Variants in TRIM2 observed in about 807,000 individuals in gnomAD.
TRIM2 encodes the protein tripartite motif-containing protein 2.
A neutral mutation model predicts 75.2 loss-of-function variants in TRIM2; 20 were observed. That is an observed-to-expected ratio of 0.27 (90% confidence interval 0.19 to 0.39). The LOEUF (loss-of-function observed/expected upper bound fraction) is 0.39, where lower values mean the gene tolerates loss of function less well. Among genes scored for constraint, TRIM2 ranks in the 10% least tolerant of loss-of-function variants. TRIM2 has a pLI of 1.00. For missense variants in TRIM2, 660 were observed against 990.8 expected (o/e 0.67, Z 4.48); for synonymous variants, 373 against 388.3 (o/e 0.96, Z 0.46).
intron 1 of TRIM2, among the ~76,000 whole-genome samples, chr4:153,258,404 A>G (rs956039520): frequency 3.3e-5 from 5 of 149,810 alleles, no homozygotes; most frequent in African/African-American, 1.2e-4. Flanking sequence ...GAAAAAAAGA[A>G]AAAAAAAAAC....
intron 6 of TRIM2, among the ~76,000 whole-genome samples, chr4:153,301,621 A>G (rs1404175503): frequency 1.3e-5 from 2 of 152,166 alleles, no homozygotes; most frequent in African/African-American, 4.8e-5. Context: ...TTACAGTTCC[A>G]GGTGTTATGT....
At chr4:153,325,251 C>T (rs1054221585) in intron 10 of TRIM2, among the ~76,000 whole-genome samples, 2 of 152,168 alleles carry the variant, frequency 1.3e-5, no homozygotes, top group Non-Finnish European at 2.9e-5. Context: ...CCTGTGCAGA[C>T]AGTAGCGCAC....
intron 1 of TRIM2, among the ~76,000 whole-genome samples, chr4:153,239,418 GCTCTCTCT>G (rs145312123): frequency 6.1e-5 from 9 of 147,014 alleles, no homozygotes; most frequent in African/African-American, 1.2e-4. Flanking sequence ...TAAAGATAGT[GCTCTCTCT>G]CTCTCTCTCT....
intron 1 of TRIM2, among the ~76,000 whole-genome samples, chr4:153,231,069 T>C (rs925236691): frequency 4.6e-5 from 7 of 152,218 alleles, no homozygotes; most frequent in African/African-American, 1.7e-4. Flanking sequence ...GATGTCTTTC[T>C]CACTAAAATA....
At position 153,336,197 on chromosome 4, in the gene TRIM2, G is replaced by A. The variant is rs1772424409; in HGVS notation, c.*1231G>A. ...GAAATAGGCAGCACTCTGAAAGACAGAAGCTTCGTCCAGCCACTCTTCAGC... is the reference window on the plus strand; with the variant it reads ...GAAATAGGCAGCACTCTGAAAGACAAAAGCTTCGTCCAGCCACTCTTCAGC... On this transcript the variant is annotated 3_prime_UTR_variant, in exon 12 of 12. Transcript: ENST00000338700. 2 of 985,274 alleles carry A rather than the reference G, an allele frequency of 2.0e-6. No individual in the cohort carries two copies. The highest frequency in any genetic ancestry group is 9.4e-5 in the South Asian group (2 of 21,262). The allele number at this position is 985,274 out of a possible 1,614,324, so 61.0% of individuals were successfully genotyped here. A position where few individuals can be genotyped will look rare whatever the true frequency, so the allele number is the denominator to read the frequency against.
intron 6 of TRIM2, among the ~76,000 whole-genome samples, chr4:153,297,213 T>A (rs1442839643): frequency 2.0e-5 from 3 of 152,198 alleles, no homozygotes; most frequent in Non-Finnish European, 4.4e-5. Flanking sequence ...ATATGATATG[T>A]AACTTGTCTG....
Position 153,296,045 on chromosome 4 carries a change from A to T in TRIM2, c.1510+9A>T, listed in dbSNP as rs1279174333. ...TTTGATCTTTCGAGTGGGTAAGGAG[A>T]GGGCTTCTGTGCCCGACGCCTGAGC... On this transcript the variant is annotated intron_variant, in intron 6 of 11. Coordinates refer to ENST00000338700, the MANE Select transcript of TRIM2 (RefSeq NM_015271.5). The T allele has an allele frequency of 6.6e-7, 1 of 1,515,598 alleles. No homozygotes were observed. The highest frequency in any genetic ancestry group is 2.3e-5 in the East Asian group (1 of 44,016). The allele number at this position is 1,515,598 out of a possible 1,614,324, so 93.9% of individuals were successfully genotyped here. A position where few individuals can be genotyped will look rare whatever the true frequency, so the allele number is the denominator to read the frequency against.
intron 1 of TRIM2, among the ~76,000 whole-genome samples, chr4:153,225,921 A>G (rs1422604631): frequency 1.3e-5 from 2 of 152,198 alleles, no homozygotes; most frequent in African/African-American, 4.8e-5. Flanking sequence ...CCCAAACTTC[A>G]GTGCAGTGGC....
chr4:153,224,897 T>C (rs936759402), intron 1 of TRIM2, among the ~76,000 whole-genome samples: 1 of 152,256 alleles, frequency 6.6e-6, no homozygotes, highest in African/African-American at 2.4e-5. Flanking sequence ...TCTGACCTTT[T>C]CTTTAGTCTG....
At position 153,337,069 on chromosome 4, in the gene TRIM2, T is replaced by G. The variant is rs1772538826; in HGVS notation, c.*2103T>G. On this transcript the variant is annotated 3_prime_UTR_variant, in exon 12 of 12. Transcript: ENST00000338700. ...TAAAAAATCGCTGCCCCCTCAGAGC[T>G]GACATTCTGGGGTGGGAATTTCATT... The G allele has an allele frequency of 1.0e-6, 1 of 985,218 alleles. No individual in the cohort carries two copies. Among genetic ancestry groups the G allele is most frequent in the African/African-American group, 1.7e-5 (1 of 57,240 alleles). 61.0% of individuals were successfully genotyped at this position (985,218 alleles called of 1,614,324 possible).
rs747232462 is a variant in TRIM2 at position 153,322,662 on chromosome 4, A to T, written c.1797A>T (p.Ser599=). ...GTTTCAAACAGACAAAAATTGGATC[A>T]GGAAAGCTGATGGGACCCAAAGGAG... ...SDGKFKTKIG[S]GKLMGPKGVS... is the part of the protein sequence containing the mutation. The change falls in exon 9 of 12, where the codon TCA becomes TCT. Residue 599 remains serine, a synonymous_variant. Transcript: ENST00000338700. The T allele has an allele frequency of 3.7e-6, 6 of 1,613,644 alleles. No individual in the cohort carries two copies. Among genetic ancestry groups the T allele is most frequent in the Non-Finnish European group, 5.1e-6 (6 of 1,179,714 alleles).
intron 1 of TRIM2, among the ~76,000 whole-genome samples, chr4:153,194,394 A>C (rs534366339): frequency 2.0e-5 from 3 of 152,208 alleles, no homozygotes; most frequent in Non-Finnish European, 2.9e-5. Context: ...AAATGAAATC[A>C]TTTTCATTCC....
intron 6 of TRIM2, chr4:153,309,552 G>A (rs1212598054): frequency 6.6e-6 from 1 of 151,590 alleles, no homozygotes; most frequent in Non-Finnish European, 1.5e-5. Flanking sequence ...TGAAGATCCT[G>A]TGTTAGATCT....
Position 153,335,906 on chromosome 4 carries a change from G to A in TRIM2, c.*940G>A. ...TAGGACACCAGTATCCTAGGACAGA[G>A]AGCCATAAGTAGCCCTTTGGAGGAC... On this transcript the variant is annotated 3_prime_UTR_variant, in exon 12 of 12. Transcript: ENST00000338700. 1.0e-6 allele frequency: 1 copy of A among 985,836 alleles called. No individual in the cohort carries two copies. Among genetic ancestry groups the A allele is most frequent in the Non-Finnish European group, 1.2e-6 (1 of 829,936 alleles). The allele number at this position is 985,836 out of a possible 1,614,324, so 61.1% of individuals were successfully genotyped here. A position where few individuals can be genotyped will look rare whatever the true frequency, so the allele number is the denominator to read the frequency against.
chr4:153,199,920 G>A (rs56329253), upstream of TRIM2, among the ~76,000 whole-genome samples: 8,225 of 150,438 alleles, frequency 0.055, 388 homozygotes, highest in Admixed American at 0.13. Flanking sequence ...ACTACAGGCA[G>A]GCACCACCAT....
At chr4:153,268,500 A>G (rs1352903019) in intron 1 of TRIM2, among the ~76,000 whole-genome samples, 3 of 152,260 alleles carry the variant, frequency 2.0e-5, no homozygotes, top group African/African-American at 7.2e-5. Flanking sequence ...TTTCACTGCC[A>G]TAATTTTCTC....
intron 1 of TRIM2, among the ~76,000 whole-genome samples, chr4:153,242,192 T>C (rs1024837933): frequency 3.3e-5 from 5 of 152,264 alleles, no homozygotes; most frequent in African/African-American, 9.6e-5. Context: ...CAACTGCTAA[T>C]GATGTAACTC....
chr4:153,312,936 A>C (rs1415319909), intron 6 of TRIM2, among the ~76,000 whole-genome samples: 3 of 152,118 alleles, frequency 2.0e-5, no homozygotes, highest in Non-Finnish European at 2.9e-5. Context: ...TGGGGGAAAG[A>C]CCAAAAATAA....
At chr4:153,238,716 T>C (rs74584786) in intron 1 of TRIM2, among the ~76,000 whole-genome samples, 2,142 of 152,288 alleles carry the variant, frequency 0.014, 45 homozygotes, top group East Asian at 0.08. Context: ...CCAGCTCCAG[T>C]CGCATGCACT....
Sources: gnomAD v4.1 joint callset for allele counts (sites outside exome capture counted in the v4.1 genomes callset) on GRCh38, gnomAD v4.1.1 for gene constraint, MANE v1.5 for transcripts, NCBI Gene and HGNC (gene_info 2026-07-23, HGNC 2026-07-21) for gene names.